Variants in ABCD3 observed in about 807,000 individuals in gnomAD.
ABCD3 encodes the protein ATP-binding cassette sub-family D member 3.
In ABCD3, 41 loss-of-function variants were observed where a neutral mutation model predicts 105.5. The observed-to-expected ratio is 0.39, with a 90% CI of 0.30 to 0.50. The LOEUF is 0.50. Among genes scored for constraint, ABCD3 ranks in the 20% least tolerant of loss-of-function variants. ABCD3 has a pLI of 0.84. For missense variants in ABCD3, 622 were observed against 806.3 expected, an observed-to-expected ratio of 0.77 and a Z score of 2.77; for synonymous variants, 258 against 269.0, an observed-to-expected ratio of 0.96 and a Z score of 0.40.
Position 94,473,808 on chromosome 1 carries a change from A to T in ABCD3, c.378A>T (p.Leu126Phe). ...GRSRKDFKRY[L>F]LNFIAAMPLI... is the part of the protein sequence containing the mutation. Reference sequence around the variant, plus strand: ...GCAGGAAAGATTTCAAGAGATACTTACTCAACTTCATCGCTGCCATGCCTC... The same window carrying T: ...GCAGGAAAGATTTCAAGAGATACTTTCTCAACTTCATCGCTGCCATGCCTC... Residue 126 changes from leucine to phenylalanine, a missense_variant, in exon 5 of 23, where the codon TTA (leucine) becomes TTT (phenylalanine). Physicochemically the swap from Leu to Phe is conservative, Grantham distance 22 (BLOSUM62 0). Transcript: ENST00000370214. The T allele has an allele frequency of 6.2e-7, 1 of 1,612,786 alleles. No individual in the cohort carries two copies. Among genetic ancestry groups the T allele is most frequent in the Non-Finnish European group, 8.5e-7 (1 of 1,179,372 alleles).
At chr1:94,455,661 A>G in intron 1 of ABCD3, 1 of 428,668 alleles carries the variant, frequency 2.3e-6, no homozygotes, top group African/African-American at 2.1e-5. Flanking sequence ...TAAAGAAAAT[A>G]GGACTTATAT....
the ABCD3 span, among the ~76,000 whole-genome samples, chr1:94,388,909 T>G: frequency 1.9e-3 from 288 of 152,262 alleles, no homozygotes; most frequent in African/African-American, 6.4e-3. Flanking sequence ...CACCAAGACC[T>G]TCTGAGGATC....
chr1:94,517,454 G>A lies in ABCD3; in HGVS notation c.*325G>A. Reference sequence around the variant, plus strand: ...CTGGGATGTAAACCATTCGAAGTCAGCTAATTGGACTTTTATGGCTCTATC... The same window carrying A: ...CTGGGATGTAAACCATTCGAAGTCAACTAATTGGACTTTTATGGCTCTATC... On this transcript the variant is annotated 3_prime_UTR_variant, in exon 23 of 23. Transcript: ENST00000370214. 3.5e-6 allele frequency: 1 copy of A among 289,430 alleles called. No individual in the cohort carries two copies. Among genetic ancestry groups the A allele is most frequent in the East Asian group, 9.4e-5 (1 of 10,644 alleles). The allele number at this position is 289,430 out of a possible 1,614,324, so 17.9% of individuals were successfully genotyped here. A position where few individuals can be genotyped will look rare whatever the true frequency, so the allele number is the denominator to read the frequency against.
At chr1:94,516,547 AAAT>A (rs1207567983) in intron 22 of ABCD3, among the ~76,000 whole-genome samples, 1 of 151,876 alleles carries the variant, frequency 6.6e-6, no homozygotes, top group Non-Finnish European at 1.5e-5. Context: ...ACAAGTAGCA[AAAT>A]AATCATCACG....
intron 2 of ABCD3, among the ~76,000 whole-genome samples, chr1:94,464,033 G>A (rs945589357): frequency 6.6e-6 from 1 of 151,938 alleles, no homozygotes; most frequent in African/African-American, 2.4e-5. Context: ...TTTTATTTAT[G>A]TCTAAGCTTA....
chr1:94,449,920 G>A (rs1170853239), intron 1 of ABCD3, among the ~76,000 whole-genome samples: 1 of 152,160 alleles, frequency 6.6e-6, no homozygotes, highest in Non-Finnish European at 1.5e-5. Context: ...CTAAACATAA[G>A]GATTTGTGGA....
chr1:94,510,601 C>T (rs1230832046), intron 21 of ABCD3, among the ~76,000 whole-genome samples: 1 of 152,078 alleles, frequency 6.6e-6, no homozygotes, highest in Non-Finnish European at 1.5e-5. Context: ...GTTAAAGTCT[C>T]CCATTATTAA....
intron 10 of ABCD3, among the ~76,000 whole-genome samples, chr1:94,484,537 C>T (rs577829192): frequency 4.6e-5 from 7 of 152,220 alleles, no homozygotes; most frequent in South Asian, 2.1e-4. Context: ...GTTGCAAGGA[C>T]GGAAAACCAA....
chr1:94,391,436 T>A, the ABCD3 span, among the ~76,000 whole-genome samples: 1 of 152,176 alleles, frequency 6.6e-6, no homozygotes, highest in Non-Finnish European at 1.5e-5. Flanking sequence ...TGAATCCTAC[T>A]CTAGCCTTGC....
intron 1 of ABCD3, among the ~76,000 whole-genome samples, chr1:94,451,865 T>C (rs1647274563): frequency 6.6e-6 from 1 of 152,226 alleles, no homozygotes; most frequent in Non-Finnish European, 1.5e-5. Context: ...AGTTGATAGC[T>C]GCTAATACTT....
At chr1:94,388,788 A>C in the ABCD3 span, among the ~76,000 whole-genome samples, 4 of 152,206 alleles carry the variant, frequency 2.6e-5, no homozygotes, top group Admixed American at 6.5e-5. Context: ...GAAGTATTCT[A>C]AGGAGGAGGA....
At chr1:94,488,351 G>T (rs569698676) in intron 13 of ABCD3, among the ~76,000 whole-genome samples, 1 of 151,688 alleles carries the variant, frequency 6.6e-6, no homozygotes, top group Admixed American at 6.6e-5. Context: ...CTTAGATACC[G>T]GCAACCTAGC....
rs531018295 is a variant in ABCD3, at chr1:94,431,918, T to C, written c.110+13330T>C. ...TACCCCATCAACAGTGCCCAAGATA[T>C]ATTGTTTAGTAAAGAGGTGGGGTGG... On this transcript the variant is annotated intron_variant, in intron 1 of 22. Transcript: ENST00000370214. 7.2e-5 allele frequency among the ~76,000 whole-genome samples: 11 copies of C among 152,272 alleles called. No homozygotes were observed. In the South Asian group the frequency reaches 1.7e-3, roughly 23 times the overall value.
intron 1 of ABCD3, among the ~76,000 whole-genome samples, chr1:94,427,751 C>T (rs1440657456): frequency 6.6e-6 from 1 of 152,222 alleles, no homozygotes; most frequent in Non-Finnish European, 1.5e-5. Flanking sequence ...ATCAGGATTA[C>T]AGGCATGAGC....
intron 21 of ABCD3, among the ~76,000 whole-genome samples, chr1:94,510,304 G>T (rs1261720142): frequency 6.6e-6 from 1 of 152,128 alleles, no homozygotes; most frequent in Non-Finnish European, 1.5e-5. Flanking sequence ...GTGGTTTTGA[G>T]TGAGTTTCTT....
chr1:94,396,056 C>G, the ABCD3 span, among the ~76,000 whole-genome samples: 1 of 152,188 alleles, frequency 6.6e-6, no homozygotes, highest in African/African-American at 2.4e-5. Context: ...TAAACTCTCT[C>G]ACATTATTTC....
upstream of ABCD3, among the ~76,000 whole-genome samples, chr1:94,416,035 T>C (rs1001634117): frequency 6.6e-6 from 1 of 152,232 alleles, no homozygotes; most frequent in Non-Finnish European, 1.5e-5. Flanking sequence ...CCATGCTTCT[T>C]GAACAAGGGT....
At chr1:94,469,664 T>C (rs1459189989) in intron 4 of ABCD3, among the ~76,000 whole-genome samples, 4 of 22,482 alleles carry the variant, frequency 1.8e-4, no homozygotes, top group Admixed American at 1.0e-3. Context: ...TGTTCTTGCC[T>C]TTTTTTTTTT....
chr1:94,448,335 T>C (rs553510396), intron 1 of ABCD3, among the ~76,000 whole-genome samples: 1 of 152,234 alleles, frequency 6.6e-6, no homozygotes, highest in Non-Finnish European at 1.5e-5. Context: ...GCTCACTTTG[T>C]GGGTATTCTC....
Sources: allele counts gnomAD v4.1 joint callset (sites outside exome capture counted in the v4.1 genomes callset), GRCh38; gene constraint gnomAD v4.1.1; transcripts MANE v1.5; gene names NCBI Gene and HGNC (gene_info 2026-07-23, HGNC 2026-07-21).